SMG1: variants seen among roughly 807,000 people sequenced by gnomAD.
SMG1 encodes serine/threonine-protein kinase SMG1.
A neutral mutation model predicts 419.9 loss-of-function variants in SMG1; 22 were observed. The observed-to-expected ratio is 0.05, with a 90% CI of 0.04 to 0.07. SMG1 has a LOEUF of 0.07. Ranked by LOEUF, SMG1 falls within the 10% of genes least tolerant of loss-of-function variation. The pLI is 1.00. For missense variants in SMG1, 3,185 were observed against 4,342.0 expected, an observed-to-expected ratio of 0.73 and a Z score of 7.49; for synonymous variants, 1,538 against 1,553.5, an observed-to-expected ratio of 0.99 and a Z score of 0.23.
chr16:18,852,019 C>T, intron 33 of SMG1, 48 bp downstream of exon 33: 1 of 1,537,432 alleles, frequency 6.5e-7, no homozygotes, highest in South Asian at 1.3e-5. Flanking sequence ...TTCTCAAAAT[C>T]AATGATTTGG....
chr16:18,898,623 A>G (rs568090382), intron 1 of SMG1, among the ~76,000 whole-genome samples: 4 of 152,292 alleles, frequency 2.6e-5, no homozygotes, highest in Admixed American at 2.6e-4. Context: ...CTTTTCTGAC[A>G]GAGTTTGAAC....
intron 60 of SMG1, among the ~76,000 whole-genome samples, chr16:18,812,644 A>G (rs2031560014): frequency 1.8e-5 from 2 of 109,294 alleles, no homozygotes; most frequent in Non-Finnish European, 4.3e-5. Context: ...ATATATACAC[A>G]TATACACACA....
intron 6 of SMG1, among the ~76,000 whole-genome samples, chr16:18,885,870 C>A (rs1230207932): frequency 6.6e-6 from 1 of 151,886 alleles, no homozygotes; most frequent in Non-Finnish European, 1.5e-5. Context: ...CGCTTGAACC[C>A]AGGAGGCAGA....
At position 18,833,077 on chromosome 16, in the gene SMG1, A is replaced by T; in HGVS notation, c.8655T>A (p.His2885Gln). 6.2e-7 allele frequency: 1 copy of T among 1,614,052 alleles called. No individual in the cohort carries two copies. Among genetic ancestry groups the T allele is most frequent in the Non-Finnish European group, 8.5e-7 (1 of 1,179,896 alleles). ...TCTGCTCAATAAGACCGTCCAGTTC[A>T]TGCAGCATACTTTCTAACGTGTATT... ...KGEYTLESMLHELDGLIEQTT... is the reference protein window; with the variant it reads ...KGEYTLESMLQELDGLIEQTT... Residue 2885 changes from histidine to glutamine, a missense_variant, in exon 51 of 63, where the codon CAT becomes CAA. Physicochemically the swap from His to Gln is conservative, Grantham distance 24. Coordinates refer to ENST00000446231, the MANE Select transcript of SMG1 (RefSeq NM_015092.5).
chr16:18,881,447 CTATTT>C (rs1226878278), intron 10 of SMG1, among the ~76,000 whole-genome samples: 3 of 152,154 alleles, frequency 2.0e-5, no homozygotes, highest in African/African-American at 7.2e-5. Context: ...AATCAATATC[CTATTT>C]TATCTAGCAA....
rs1312091170 is a variant in SMG1 at position 18,816,544 on chromosome 16, C to G, written c.10075-15G>C. 1 of 1,604,894 alleles carries G rather than the reference C, an allele frequency of 6.2e-7. No homozygotes were observed. Among genetic ancestry groups the G allele is most frequent in the Non-Finnish European group, 8.5e-7 (1 of 1,174,230 alleles). ...AGACCAGTGTCCTAAATAGAACAAG[C>G]ATTTGTTTGACTTCGAGTATCAGCT... On this transcript the variant is annotated splice_polypyrimidine_tract_variant and intron_variant, in intron 57 of 62. Coordinates refer to ENST00000446231, the MANE Select transcript of SMG1 (RefSeq NM_015092.5).
intron 31 of SMG1, among the ~76,000 whole-genome samples, chr16:18,853,072 T>C (rs2034690130): frequency 1.3e-5 from 2 of 152,192 alleles, no homozygotes; most frequent in Admixed American, 1.3e-4. Context: ...ATTCTCATGT[T>C]TCAGCAAAGA....
chr16:18,843,052 T>A (rs1401082239), intron 39 of SMG1, among the ~76,000 whole-genome samples: 1 of 152,174 alleles, frequency 6.6e-6, no homozygotes, highest in Non-Finnish European at 1.5e-5. Flanking sequence ...CATCACCCAA[T>A]TAGGGGCTTT....
At chr16:18,923,940 A>G (rs2038292770) in intron 1 of SMG1, among the ~76,000 whole-genome samples, 1 of 152,122 alleles carries the variant, frequency 6.6e-6, no homozygotes, top group Admixed American at 6.6e-5. Context: ...ATCAGCTATG[A>G]CAATCTTAGC....
chr16:18,894,400 T>C (rs1340995004), intron 3 of SMG1, among the ~76,000 whole-genome samples: 2 of 152,140 alleles, frequency 1.3e-5, no homozygotes, highest in Non-Finnish European at 2.9e-5. Context: ...GCTGGGAAAT[T>C]AGGCTCTACT....
intron 54 of SMG1, 81 bp downstream of exon 54, chr16:18,829,205 G>A (rs2032987676): frequency 8.1e-7 from 1 of 1,227,968 alleles, no homozygotes; most frequent in Non-Finnish European, 1.1e-6. Flanking sequence ...AAAAATTTCT[G>A]TGTATTGTTT....
rs376749123 is a variant in SMG1 at position 18,863,470 on chromosome 16, C to T, written c.3695+180G>A. 3.3e-5 allele frequency among the ~76,000 whole-genome samples: 5 copies of T among 152,330 alleles called. No homozygotes were observed. In the East Asian group the frequency reaches 9.6e-4, roughly 29 times the overall value. On this transcript the variant is annotated intron_variant, in intron 25 of 62. Coordinates refer to ENST00000446231, the MANE Select transcript of SMG1 (RefSeq NM_015092.5). ...CTATCTCAGCAGTGTTTTCCCATTA[C>T]ACAAATACCTTCCCTCACCTCTGAC...
intron 42 of SMG1, among the ~76,000 whole-genome samples, chr16:18,839,145 C>T (rs1266394025): frequency 1.3e-5 from 2 of 152,054 alleles, no homozygotes; most frequent in Non-Finnish European, 2.9e-5. Context: ...TGTGCCTGAC[C>T]TCTTTCTTTT....
At chr16:18,879,260 T>C in intron 11 of SMG1, 1 of 503,008 alleles carries the variant, frequency 2.0e-6, no homozygotes, top group Non-Finnish European at 3.6e-6. Flanking sequence ...GGACTACAGG[T>C]GCACGCCACT....
At chr16:18,836,618 G>A in intron 46 of SMG1, 86 bp from the exon 47 acceptor site, 2 of 1,402,218 alleles carry the variant, frequency 1.4e-6, no homozygotes, top group Non-Finnish European at 2.0e-6. Flanking sequence ...GCTCACACAT[G>A]GACTGTCTGG....
At chr16:18,866,280 G>A (rs528186153) in intron 23 of SMG1, 21 of 344,276 alleles carry the variant, frequency 6.1e-5, no homozygotes, top group African/African-American at 3.4e-4. Flanking sequence ...AGAGTTCACA[G>A]GACTAATGAG....
chr16:18,848,114 T>A, intron 36 of SMG1, 81 bp from the exon 37 acceptor site: 1 of 1,174,676 alleles, frequency 8.5e-7, no homozygotes, highest in Non-Finnish European at 1.2e-6. Flanking sequence ...ACACTGATAA[T>A]CTATTTGACT....
intron 39 of SMG1, 139 bp downstream of exon 39, chr16:18,845,289 TA>T: frequency 1.5e-6 from 1 of 667,126 alleles, no homozygotes; most frequent in Non-Finnish European, 2.4e-6. Context: ...ATGTTCCTTA[TA>T]AGCAACTGGC....
chr16:18,910,361 G>A (rs1428413009), intron 1 of SMG1, among the ~76,000 whole-genome samples: 1 of 151,438 alleles, frequency 6.6e-6, no homozygotes, highest in East Asian at 1.9e-4. Flanking sequence ...CTCCCAAATA[G>A]CTGGGATTAC....
Sources: gnomAD v4.1 joint callset for allele counts (sites outside exome capture counted in the v4.1 genomes callset) on GRCh38, gnomAD v4.1.1 for gene constraint, MANE v1.5 for transcripts, NCBI Gene and HGNC (gene_info 2026-07-23, HGNC 2026-07-21) for gene names.